The following NPAS2 variants were observed in gnomAD, a reference collection of about 807,000 sequenced individuals.
The protein encoded by NPAS2 is neuronal PAS domain-containing protein 2.
In NPAS2, 23 loss-of-function variants were observed where a neutral mutation model predicts 107.5. The ratio of observed to expected loss-of-function variants is 0.21; its 90% confidence interval spans 0.15 to 0.30. NPAS2 has a LOEUF of 0.30. NPAS2 is among the 10% of genes least tolerant of loss of function. NPAS2 has a pLI of 1.00. For missense variants in NPAS2, 756 were observed against 1,043.3 expected (o/e 0.72, Z 3.79); for synonymous variants, 403 against 417.5 (o/e 0.97, Z 0.42).
intron 1 of NPAS2, among the ~76,000 whole-genome samples, chr2:100,856,053 G>A (rs1678535485): frequency 6.6e-6 from 1 of 152,192 alleles, no homozygotes; most frequent in African/African-American, 2.4e-5. Flanking sequence ...TTTGATTAGA[G>A]GGATTGGAGC....
At chr2:100,982,440 T>C in intron 16 of NPAS2, 63 bp downstream of exon 16, 1 of 1,580,058 alleles carries the variant, frequency 6.3e-7, no homozygotes, top group South Asian at 1.1e-5. Context: ...CCTGCCGCCA[T>C]TTCCGGGCAG....
At chr2:100,838,019 C>T (rs993318901) in intron 1 of NPAS2, among the ~76,000 whole-genome samples, 1 of 152,134 alleles carries the variant, frequency 6.6e-6, no homozygotes. Flanking sequence ...TCACCATCTG[C>T]CTTTCCACCT....
chr2:100,925,536 AGGT>A (rs1683506248), intron 3 of NPAS2, among the ~76,000 whole-genome samples: 2 of 152,188 alleles, frequency 1.3e-5, no homozygotes, highest in Non-Finnish European at 2.9e-5. Context: ...ACAACCTCAC[AGGT>A]AGCACCCAGC....
chr2:100,844,782 C>G (rs1677668559), intron 1 of NPAS2, among the ~76,000 whole-genome samples: 2 of 152,176 alleles, frequency 1.3e-5, no homozygotes, highest in African/African-American at 2.4e-5. Flanking sequence ...ATAGTTGCGC[C>G]TCTTTCCAGA....
At chr2:100,962,751 C>A (rs949533379) in intron 7 of NPAS2, 1 of 152,212 alleles carries the variant, frequency 6.6e-6, no homozygotes, top group Admixed American at 6.5e-5. Flanking sequence ...TTTCTCTGGC[C>A]CAGAAGGTCA....
At chr2:100,930,701 G>A (rs1180732328) in intron 3 of NPAS2, among the ~76,000 whole-genome samples, 1 of 152,074 alleles carries the variant, frequency 6.6e-6, no homozygotes, top group Non-Finnish European at 1.5e-5. Flanking sequence ...TGAATGAGAT[G>A]GCTGCTTTCA....
intron 2 of NPAS2, among the ~76,000 whole-genome samples, chr2:100,909,262 T>C (rs1301929274): frequency 6.6e-6 from 1 of 152,216 alleles, no homozygotes; most frequent in Non-Finnish European, 1.5e-5. Flanking sequence ...AAGTTAGAGA[T>C]GCATTCATGA....
chr2:100,927,713 A>G (rs1379536788), intron 3 of NPAS2, among the ~76,000 whole-genome samples: 2 of 152,192 alleles, frequency 1.3e-5, no homozygotes, highest in African/African-American at 2.4e-5. Flanking sequence ...TCACCTGCAT[A>G]TGCCACTTGA....
intron 1 of NPAS2, chr2:100,847,212 T>TA (rs1677828909): frequency 6.6e-6 from 1 of 152,206 alleles, no homozygotes; most frequent in Non-Finnish European, 1.5e-5. Context: ...ATGATGGTAG[T>TA]AAAAATAACG....
chr2:100,885,438 C>A (rs920647089), intron 1 of NPAS2, among the ~76,000 whole-genome samples: 1 of 152,192 alleles, frequency 6.6e-6, no homozygotes, highest in African/African-American at 2.4e-5. Flanking sequence ...TTATAACATG[C>A]AAGAGTATAT....
chr2:100,934,876 G>C (rs1684200115), intron 4 of NPAS2: 1 of 985,268 alleles, frequency 1.0e-6, no homozygotes, highest in South Asian at 4.7e-5. Flanking sequence ...TTCAGAGACT[G>C]TGAAGAATCC....
chr2:100,891,713 GT>G (rs1241175258), intron 1 of NPAS2, among the ~76,000 whole-genome samples: 4 of 152,222 alleles, frequency 2.6e-5, no homozygotes, highest in Non-Finnish European at 2.9e-5. Flanking sequence ...TTGATTAAAT[GT>G]TATTTGAAAC....
chr2:100,972,634 C>G (rs1189436799), intron 12 of NPAS2: 1 of 152,216 alleles, frequency 6.6e-6, no homozygotes, highest in East Asian at 1.9e-4. Context: ...GGCAATTCAT[C>G]ACCAGCACGC....
At chr2:100,923,818 C>T (rs1460498075) in intron 2 of NPAS2, among the ~76,000 whole-genome samples, 1 of 152,192 alleles carries the variant, frequency 6.6e-6, no homozygotes, top group African/African-American at 2.4e-5. Context: ...GATGAAGGGC[C>T]TGTGGCGTGT....
chr2:100,955,098 A>AAACTCCTG (rs1675492384), intron 7 of NPAS2, among the ~76,000 whole-genome samples: 1 of 152,098 alleles, frequency 6.6e-6, no homozygotes, highest in South Asian at 2.1e-4. Flanking sequence ...GGGTGGTCTC[A>AAACTCCTG]AACTCCTGAC....
chr2:100,881,580 G>C (rs1680342038), intron 1 of NPAS2, among the ~76,000 whole-genome samples: 1 of 152,162 alleles, frequency 6.6e-6, no homozygotes, highest in African/African-American at 2.4e-5. Flanking sequence ...CAGCTACTCG[G>C]AAGGCTGAGG....
intron 1 of NPAS2, among the ~76,000 whole-genome samples, chr2:100,835,164 A>T (rs1676980004): frequency 6.6e-6 from 1 of 151,662 alleles, no homozygotes; most frequent in Admixed American, 6.6e-5. Flanking sequence ...GGAGGGAAGC[A>T]CTATGCTCTT....
Position 100,990,056 on chromosome 2 carries a change from G to C in NPAS2, c.1828-200G>C, listed in dbSNP as rs369435161. On this transcript the variant is annotated intron_variant, in intron 17 of 20. Transcript: ENST00000335681. ...TTTGCTACTTGCCTGCCTAGAGTCC[G>C]GCACTGTCCTAGGCCCAAGGGATTC... 5 of 598,052 alleles carry C rather than the reference G, an allele frequency of 8.4e-6. No individual in the cohort carries two copies. The East Asian group carries it at 1.4e-4, about 17-fold the overall frequency. The allele number at this position is 598,052 out of a possible 1,614,324, so 37.0% of individuals were successfully genotyped here. A position where few individuals can be genotyped will look rare whatever the true frequency, so the allele number is the denominator to read the frequency against.
At chr2:100,899,565 GC>G (rs1681643049) in intron 1 of NPAS2, among the ~76,000 whole-genome samples, 1 of 152,132 alleles carries the variant, frequency 6.6e-6, no homozygotes, top group South Asian at 2.1e-4. Flanking sequence ...TGCGACAAAT[GC>G]ACCATACTAA....
Sources: gnomAD v4.1 joint callset for allele counts (sites outside exome capture counted in the v4.1 genomes callset) on GRCh38, gnomAD v4.1.1 for gene constraint, MANE v1.5 for transcripts, NCBI Gene and HGNC (gene_info 2026-07-23, HGNC 2026-07-21) for gene names.